Variants in PRKCQ observed in about 807,000 individuals in gnomAD.
PRKCQ encodes protein kinase C theta, also known as protein kinase C theta type.
In PRKCQ, 41 loss-of-function variants were observed where a neutral mutation model predicts 91.2. The observed-to-expected ratio is 0.45, with a 90% CI of 0.35 to 0.58. The LOEUF is 0.58. Among genes scored for constraint, PRKCQ ranks in the 20% least tolerant of loss-of-function variants. The pLI is 0.00. For synonymous variants in PRKCQ, 307 were observed against 316.9 expected, an observed-to-expected ratio of 0.97 and a Z score of 0.33; for missense variants, 673 against 896.5, an observed-to-expected ratio of 0.75 and a Z score of 3.18.
intron 15 of PRKCQ, among the ~76,000 whole-genome samples, chr10:6,444,820 G>C (rs191588027): frequency 6.6e-6 from 1 of 152,016 alleles, no homozygotes; most frequent in Non-Finnish European, 1.5e-5. Flanking sequence ...TGGCAGAATT[G>C]CAGCACTGAT....
At chr10:6,492,459 C>T (rs999501366) in intron 7 of PRKCQ, among the ~76,000 whole-genome samples, 1 of 152,060 alleles carries the variant, frequency 6.6e-6, no homozygotes, top group Non-Finnish European at 1.5e-5. Context: ...CTTTTGAAGT[C>T]GCTTCTATTA....
intron 4 of PRKCQ, among the ~76,000 whole-genome samples, chr10:6,498,888 CA>C (rs1217851603): frequency 2.6e-5 from 4 of 152,186 alleles, no homozygotes; most frequent in African/African-American, 9.7e-5. Flanking sequence ...AGGGATCTAT[CA>C]ACCTCTCTTT....
At chr10:6,464,187 C>G in intron 13 of PRKCQ, 126 bp downstream of exon 13, 1 of 799,996 alleles carries the variant, frequency 1.3e-6, no homozygotes, top group Non-Finnish European at 2.1e-6. Context: ...TCGCCTTGCT[C>G]GATGTATTCC....
intron 12 of PRKCQ, 85 bp downstream of exon 12, chr10:6,478,907 C>G: frequency 6.9e-7 from 1 of 1,453,246 alleles, no homozygotes; most frequent in Non-Finnish European, 9.4e-7. Flanking sequence ...GGCAATGACT[C>G]GTGTCTCCTA....
chr10:6,491,496 T>C (rs965512620), intron 8 of PRKCQ, among the ~76,000 whole-genome samples, 187 bp downstream of exon 8: 1 of 151,780 alleles, frequency 6.6e-6, no homozygotes, highest in Non-Finnish European at 1.5e-5. Flanking sequence ...TGGGTGGGGG[T>C]GTTGCAGGGT....
At chr10:6,410,146 T>A in the PRKCQ span, among the ~76,000 whole-genome samples, 1 of 152,320 alleles carries the variant, frequency 6.6e-6, no homozygotes, top group South Asian at 2.1e-4. Flanking sequence ...TGACAAGAAA[T>A]CCTAGGCTTC....
chr10:6,482,243 T>C (rs1413037233), intron 11 of PRKCQ, among the ~76,000 whole-genome samples: 1 of 152,070 alleles, frequency 6.6e-6, no homozygotes, highest in East Asian at 1.9e-4. Context: ...AAAGAGGTAA[T>C]TAAGGTTAGA....
Position 6,464,409 on chromosome 10 carries a change from G to A in PRKCQ, c.1354-5C>T. 6.3e-7 allele frequency: 1 copy of A among 1,589,704 alleles called. No individual in the cohort carries two copies. The highest frequency in any genetic ancestry group is 8.6e-7 in the Non-Finnish European group (1 of 1,169,192). ...CATCACAAAAAAGAGGTTTTCCTGT[G>A]GAAAAACAAAACAATTCCAACTTTT... On this transcript the variant is annotated splice_polypyrimidine_tract_variant and splice_region_variant and intron_variant, in intron 12 of 17. Coordinates refer to ENST00000263125, the MANE Select transcript of PRKCQ (RefSeq NM_006257.5).
chr10:6,449,477 A>T (rs1467791423), intron 15 of PRKCQ, among the ~76,000 whole-genome samples: 4 of 150,686 alleles, frequency 2.7e-5, no homozygotes, highest in East Asian at 2.0e-4. Flanking sequence ...TGAAAGTGAC[A>T]GGGAGAATGG....
At chr10:6,443,144 C>T (rs1030526532) in intron 15 of PRKCQ, among the ~76,000 whole-genome samples, 1 of 152,124 alleles carries the variant, frequency 6.6e-6, no homozygotes, top group African/African-American at 2.4e-5. Flanking sequence ...GCAAAAAAGG[C>T]TTTGTATGTT....
At chr10:6,550,479 G>A (rs1369770904) in intron 1 of PRKCQ, among the ~76,000 whole-genome samples, 2 of 152,158 alleles carry the variant, frequency 1.3e-5, no homozygotes, top group Non-Finnish European at 2.9e-5. Context: ...TTGCCATGTT[G>A]GCCAGGCTGG....
the PRKCQ span, among the ~76,000 whole-genome samples, chr10:6,397,582 A>G: frequency 2.7e-3 from 418 of 152,234 alleles, 12 homozygotes; most frequent in Non-Finnish European, 5.9e-4. Context: ...TGAAAGTCCA[A>G]TTTATCAACT....
Position 6,483,531 on chromosome 10 carries a change from T to A in PRKCQ, c.1088A>T (p.Glu363Val). The change falls in exon 11 of 18, where the codon GAA becomes GTA. Residue 363 changes from glutamate to valine, a missense_variant. Transcript: ENST00000263125. ...VDKMCHLPEPELNKERPSLQI... is the reference protein window; with the variant it reads ...VDKMCHLPEPVLNKERPSLQI... ...CAGAGATGGTCTTTCTTTGTTCAGTTCAGGTTCTGGAAGATGGCACATTTT... is the reference window on the plus strand; with the variant it reads ...CAGAGATGGTCTTTCTTTGTTCAGTACAGGTTCTGGAAGATGGCACATTTT... The A allele has an allele frequency of 6.2e-7, 1 of 1,614,200 alleles. No homozygotes were observed. The highest frequency in any genetic ancestry group is 8.5e-7 in the Non-Finnish European group (1 of 1,180,026).
At chr10:6,418,307 T>C in the PRKCQ span, among the ~76,000 whole-genome samples, 18 of 152,314 alleles carry the variant, frequency 1.2e-4, no homozygotes, top group Admixed American at 1.2e-3. Context: ...TGCCAGTGGA[T>C]GCTGATGAAT....
chr10:6,534,919 G>A (rs4748127), intron 1 of PRKCQ, among the ~76,000 whole-genome samples: 1 of 151,462 alleles, frequency 6.6e-6, no homozygotes, highest in Non-Finnish European at 1.5e-5. Flanking sequence ...TTTTTGGAAT[G>A]TGCAATTCAA....
At chr10:6,520,856 C>T (rs1262417660) in intron 1 of PRKCQ, among the ~76,000 whole-genome samples, 1 of 152,156 alleles carries the variant, frequency 6.6e-6, no homozygotes, top group African/African-American at 2.4e-5. Flanking sequence ...CAGGATGTCG[C>T]CTACTTGATT....
rs1343544400 is a variant in PRKCQ, at chr10:6,473,165, G to A, written c.1353+5827C>T. 3.9e-5 allele frequency among the ~76,000 whole-genome samples: 6 copies of A among 152,164 alleles called. No homozygotes were observed. The South Asian group carries it at 6.2e-4, about 16-fold the overall frequency. Reference sequence around the variant, plus strand: ...CCTTTCCCAAAAAGAAACACTGCCTGTAACCAAGTTCCTGGAACTATGCAC... The same window carrying A: ...CCTTTCCCAAAAAGAAACACTGCCTATAACCAAGTTCCTGGAACTATGCAC... On this transcript the variant is annotated intron_variant, in intron 12 of 17. Transcript: ENST00000263125.
At position 6,571,079 on chromosome 10, in the gene PRKCQ, AG is replaced by A. The variant is rs1387129640; in HGVS notation, c.-10+9131del. Among the ~76,000 whole-genome samples, 14 of 152,184 alleles carry A rather than the reference AG, an allele frequency of 9.2e-5. No individual in the cohort carries two copies. In the East Asian group the frequency reaches 2.7e-3, roughly 29 times the overall value. On this transcript the variant is annotated intron_variant, in intron 1 of 17. Coordinates refer to ENST00000263125, the MANE Select transcript of PRKCQ (RefSeq NM_006257.5). Reference sequence around the variant, plus strand: ...GCCGTGGGAAGGAAGATCATTGGCCAGGGAAACGTCTGGGAGCTGGGGAAGA... The same window carrying A: ...GCCGTGGGAAGGAAGATCATTGGCCAGGAAACGTCTGGGAGCTGGGGAAGA...
At chr10:6,498,140 C>T (rs567054098) in intron 5 of PRKCQ, among the ~76,000 whole-genome samples, 250 of 151,748 alleles carry the variant, frequency 1.6e-3, no homozygotes, top group South Asian at 3.8e-3. Flanking sequence ...TCCCACTTAC[C>T]CCCAATAGCC....
Sources: gnomAD v4.1 joint callset for allele counts (sites outside exome capture counted in the v4.1 genomes callset) on GRCh38, gnomAD v4.1.1 for gene constraint, MANE v1.5 for transcripts, NCBI Gene and HGNC (gene_info 2026-07-23, HGNC 2026-07-21) for gene names.